DTNA: variants seen among roughly 807,000 people sequenced by gnomAD.
The protein encoded by DTNA is dystrophin-related protein 3.
In DTNA, 43 loss-of-function variants were observed where a neutral mutation model predicts 100.7. The ratio of observed to expected loss-of-function variants is 0.43; its 90% CI spans 0.33 to 0.55. The LOEUF (loss-of-function observed/expected upper bound fraction) is 0.55, where lower values mean the gene tolerates loss of function less well. Ranked by LOEUF, DTNA falls within the 20% of genes least tolerant of loss-of-function variation. The pLI is 0.04. For synonymous variants in DTNA, 349 were observed against 347.9 expected (o/e 1.00, Z -0.04); for missense variants, 798 against 953.9 (o/e 0.84, Z 2.15).
chr18:34,540,512 T>C (rs2044146255), intron 1 of DTNA, among the ~76,000 whole-genome samples: 1 of 152,078 alleles, frequency 6.6e-6, no homozygotes, highest in Admixed American at 6.6e-5. Flanking sequence ...TAACAGACAC[T>C]CATACAGTGG....
chr18:34,636,276 A>G lies in DTNA; in HGVS notation c.-1-119700A>G, dbSNP rs2058660871. Among the ~76,000 whole-genome samples the G allele has an allele frequency of 2.0e-5, 3 of 152,042 alleles. No homozygotes were observed. The South Asian group carries it at 6.2e-4, about 31-fold the overall frequency. On this transcript the variant is annotated intron_variant, in intron 1 of 19. Coordinates refer to the DTNA transcript ENST00000283365. ...TTCTCCTGCCTCAGCCACCATGCCC[A>G]GTTAATTTTTGTATTTTTAGTAGAG...
chr18:34,770,275 G>A (rs774557769), intron 3 of DTNA, among the ~76,000 whole-genome samples: 3 of 151,296 alleles, frequency 2.0e-5, no homozygotes, highest in Admixed American at 6.6e-5. Context: ...AATTTATTGC[G>A]TATACTAACA....
chr18:34,731,288 G>A, intron 1 of DTNA, among the ~76,000 whole-genome samples: 1 of 151,766 alleles, frequency 6.6e-6, no homozygotes, highest in Non-Finnish European at 1.5e-5. Context: ...GACCATCCTG[G>A]CTAACAAGGT....
intron 1 of DTNA, among the ~76,000 whole-genome samples, chr18:34,531,886 T>G (rs1187050690): frequency 6.6e-6 from 1 of 152,092 alleles, no homozygotes; most frequent in Non-Finnish European, 1.5e-5. Context: ...TGTTAAAAAG[T>G]CCTCCCTCAG....
intron 1 of DTNA, among the ~76,000 whole-genome samples, chr18:34,579,135 C>T (rs2048382700): frequency 6.6e-6 from 1 of 152,006 alleles, no homozygotes; most frequent in Admixed American, 6.5e-5. Flanking sequence ...AATAATATTA[C>T]AAAAATAACC....
At position 34,867,891 on chromosome 18, in the gene DTNA, C is replaced by T. The variant is rs555132786; in HGVS notation, c.1743+3829C>T. ...AACAGCGGGTACTGCGGTGTCGGTA[C>T]CCAAGGACCAGGGCCCACGTCACCC... On this transcript the variant is annotated intron_variant, in intron 17 of 22. Coordinates refer to ENST00000444659, the MANE Select transcript of DTNA (RefSeq NM_001386795.1). 2.0e-4 allele frequency: 202 copies of T among 985,412 alleles called. 3 individuals carry two copies. In the South Asian group the frequency reaches 8.4e-3, roughly 41 times the overall value. 61.0% of individuals were successfully genotyped at this position (985,412 alleles called of 1,614,324 possible).
At chr18:34,754,962 T>C (rs1157409225) in intron 1 of DTNA, among the ~76,000 whole-genome samples, 1 of 152,170 alleles carries the variant, frequency 6.6e-6, no homozygotes, top group Non-Finnish European at 1.5e-5. Context: ...AAAAAGAGCA[T>C]GGACAGAGTC....
At chr18:34,642,683 C>A (rs1174263298) in intron 1 of DTNA, among the ~76,000 whole-genome samples, 1 of 152,040 alleles carries the variant, frequency 6.6e-6, no homozygotes, top group South Asian at 2.1e-4. Flanking sequence ...CTTAGCCTCC[C>A]GAGTAGCTGG....
chr18:34,666,044 G>A lies in DTNA; in HGVS notation c.-1-89932G>A, dbSNP rs1177733394. 3.9e-5 allele frequency among the ~76,000 whole-genome samples: 6 copies of A among 152,292 alleles called. No individual in the cohort carries two copies. The East Asian group carries it at 1.2e-3, about 29-fold the overall frequency. ...ACTAGTTTACAGTCCCACCAACAGT[G>A]TAAAAACATTCCTATTTCTCCACAT... On this transcript the variant is annotated intron_variant, in intron 1 of 19. Transcript: ENST00000283365.
intron 20 of DTNA, among the ~76,000 whole-genome samples, chr18:34,880,979 T>G (rs2096866242): frequency 6.6e-6 from 1 of 152,184 alleles, no homozygotes; most frequent in African/African-American, 2.4e-5. Context: ...TTGTCCTAAT[T>G]CTAAAATCCA....
At chr18:34,553,222 G>T (rs1250962373) in intron 1 of DTNA, among the ~76,000 whole-genome samples, 3 of 151,858 alleles carry the variant, frequency 2.0e-5, no homozygotes, top group African/African-American at 7.3e-5. Context: ...TTTTGATGGG[G>T]TTGTTTGTTT....
chr18:34,861,761 A>G (rs2096630729), intron 16 of DTNA, among the ~76,000 whole-genome samples: 1 of 152,136 alleles, frequency 6.6e-6, no homozygotes, highest in Non-Finnish European at 1.5e-5. Context: ...TTTTAATTGA[A>G]TTCGATGTCA....
intron 1 of DTNA, among the ~76,000 whole-genome samples, chr18:34,537,002 GAAAATAAAAATTCAGGGACAATA>G (rs2043779576): frequency 6.6e-6 from 1 of 151,866 alleles, no homozygotes; most frequent in African/African-American, 2.4e-5. Flanking sequence ...ATGGAAAAAT[GAAAATAAAAATTCAGGGACAATA>G]AAAGATATTT....
rs949616989 is a variant in DTNA at position 34,838,601 on chromosome 18, T to C, written c.1254-144T>C. 8.4e-6 allele frequency: 6 copies of C among 716,962 alleles called. No homozygotes were observed. In the African/African-American group the frequency reaches 8.7e-5, roughly 10 times the overall value. The allele number at this position is 716,962 out of a possible 1,614,324, so 44.4% of individuals were successfully genotyped here. On this transcript the variant is annotated intron_variant, in intron 12 of 22. Transcript: ENST00000444659. Reference sequence around the variant, plus strand: ...CATTGCCTGGATTTCACTTGTGTTTTTCATAGCACATCACTTACTACCCTT... The same window carrying C: ...CATTGCCTGGATTTCACTTGTGTTTCTCATAGCACATCACTTACTACCCTT...
chr18:34,545,822 T>C (rs535090965), intron 1 of DTNA, among the ~76,000 whole-genome samples: 2 of 152,094 alleles, frequency 1.3e-5, no homozygotes, highest in African/African-American at 4.8e-5. Context: ...CTTTTTCAGG[T>C]AAGAGAAAAT....
chr18:34,558,962 C>T (rs1335743950), intron 1 of DTNA, among the ~76,000 whole-genome samples: 5 of 152,174 alleles, frequency 3.3e-5, no homozygotes, highest in African/African-American at 4.8e-5. Flanking sequence ...ACTGCATATG[C>T]TTGTTACACA....
chr18:34,659,625 C>T (rs959806180), intron 1 of DTNA, among the ~76,000 whole-genome samples: 5 of 141,930 alleles, frequency 3.5e-5, no homozygotes, highest in Admixed American at 3.4e-4. Flanking sequence ...TACACACAGA[C>T]ACACACAGAC....
chr18:34,649,576 A>G (rs912984218), intron 1 of DTNA, among the ~76,000 whole-genome samples: 1 of 152,218 alleles, frequency 6.6e-6, no homozygotes, highest in Non-Finnish European at 1.5e-5. Context: ...TGTTGGATTA[A>G]ATTAAATGCT....
intron 1 of DTNA, among the ~76,000 whole-genome samples, chr18:34,658,345 T>A (rs1363719090): frequency 1.3e-5 from 2 of 152,120 alleles, no homozygotes; most frequent in Non-Finnish European, 2.9e-5. Context: ...TTTATAAAAA[T>A]TCTTTTGTTT....
Sources: allele counts gnomAD v4.1 joint callset (sites outside exome capture counted in the v4.1 genomes callset), GRCh38; gene constraint gnomAD v4.1.1; transcripts MANE v1.5; gene names NCBI Gene and HGNC (gene_info 2026-07-23, HGNC 2026-07-21).